The following HSDL1 variants were observed in gnomAD, a reference collection of about 807,000 sequenced individuals.
The protein encoded by HSDL1 is inactive hydroxysteroid dehydrogenase-like protein 1.
Under a neutral mutation model 31.5 loss-of-function variants are expected in HSDL1, and 29 were observed. The observed-to-expected ratio is 0.92, with a 90% CI of 0.69 to 1.26. The LOEUF is 1.26. Ranked by LOEUF, HSDL1 falls within the 50% of genes most tolerant of loss-of-function variation. The probability of loss-of-function intolerance (pLI) is 0.00; values close to 1 mark genes in which losing one functional copy is unlikely to be tolerated. For missense variants in HSDL1, 503 were observed against 416.6 expected, an observed-to-expected ratio of 1.21 and a Z score of -1.81; for synonymous variants, 222 against 155.2, an observed-to-expected ratio of 1.43 and a Z score of -3.20.
intron 5 of HSDL1, among the ~76,000 whole-genome samples, 161 bp downstream of exon 5, chr16:84,129,387 A>AG (rs1198956874): frequency 6.6e-6 from 1 of 152,184 alleles, no homozygotes. Context: ...CTCAAAAAAA[A>AG]AAAGAAAGAA....
chr16:84,126,863 T>G (rs967775589), intron 5 of HSDL1, among the ~76,000 whole-genome samples: 1 of 152,122 alleles, frequency 6.6e-6, no homozygotes. Context: ...AAATAAAAAA[T>G]GATAGTGTTG....
intron 5 of HSDL1, 102 bp from the exon 6 acceptor site, chr16:84,124,830 T>C (rs1409254503): frequency 1.2e-5 from 8 of 691,906 alleles, no homozygotes; most frequent in African/African-American, 1.1e-4. Context: ...TCACAACAAA[T>C]ACCCACCAAT....
chr16:84,129,745 G>T lies in HSDL1; in HGVS notation c.697C>A (p.Gln233Lys). The change falls in exon 5 of 6, where the codon CAA becomes AAA. Residue 233 changes from glutamine to lysine, a missense_variant. Physicochemically the swap from Gln to Lys is moderately conservative, Grantham distance 53 (BLOSUM62 1). Coordinates refer to ENST00000219439, the MANE Select transcript of HSDL1 (RefSeq NM_031463.5). ...ATTCCTTTAGAGGCATATTCATATT[G>T]CAAGGCTCTGCTGAAGTGGTCTAAA... ...AYLDHFSRAL[Q>K]YEYASKGIFV... 2 of 1,614,096 alleles carry T rather than the reference G, an allele frequency of 1.2e-6. No homozygotes were observed. Among genetic ancestry groups the T allele is most frequent in the Non-Finnish European group, 1.7e-6 (2 of 1,179,910 alleles).
intron 2 of HSDL1, among the ~76,000 whole-genome samples, chr16:84,134,956 AG>A (rs1700408656): frequency 6.6e-6 from 1 of 152,200 alleles, no homozygotes; most frequent in African/African-American, 2.4e-5. Context: ...ACTACAGGCC[AG>A]CCACGGTGGC....
intron 1 of HSDL1, among the ~76,000 whole-genome samples, chr16:84,140,889 G>A (rs1337343932): frequency 1.3e-5 from 2 of 152,032 alleles, no homozygotes; most frequent in African/African-American, 4.8e-5. Flanking sequence ...GGATCACGAG[G>A]TCAGGAGATC....
intron 5 of HSDL1, among the ~76,000 whole-genome samples, chr16:84,125,904 C>T (rs547440591): frequency 7.4e-4 from 113 of 152,096 alleles, no homozygotes; most frequent in Non-Finnish European, 1.3e-3. Context: ...GAGATCGAGA[C>T]CATCCTGGCT....
intron 1 of HSDL1, among the ~76,000 whole-genome samples, chr16:84,141,186 T>A (rs1178730104): frequency 6.6e-6 from 1 of 152,000 alleles, no homozygotes; most frequent in Non-Finnish European, 1.5e-5. Context: ...CTTGTTTCTT[T>A]CACTCAACAT....
Position 84,122,214 on chromosome 16 carries a change from T to TTGC in HSDL1, c.*2415_*2416insGCA, listed in dbSNP as rs2086561144. Reference sequence around the variant, plus strand: ...CATGTTAATTTCTTGCAATCACTCCTAAGAAAAAAAAATTCTCTCATTCCA... The same window carrying TTGC: ...CATGTTAATTTCTTGCAATCACTCCTTGCAAGAAAAAAAAATTCTCTCATTCCA... On this transcript the variant is annotated 3_prime_UTR_variant, in exon 6 of 6. Transcript: ENST00000219439. 6.6e-6 allele frequency: 1 copy of TTGC among 152,278 alleles called. No individual in the cohort carries two copies. Among genetic ancestry groups the TTGC allele is most frequent in the African/African-American group, 2.4e-5 (1 of 41,340 alleles). The allele number at this position is 152,278 out of a possible 1,614,324, so 9.4% of individuals were successfully genotyped here.
At chr16:84,137,789 G>C (rs2086725947) in intron 1 of HSDL1, among the ~76,000 whole-genome samples, 1 of 152,170 alleles carries the variant, frequency 6.6e-6, no homozygotes, top group Non-Finnish European at 1.5e-5. Flanking sequence ...AATTTCAAAA[G>C]CTCATAGCCT....
At chr16:84,138,433 G>C (rs903377354) in intron 1 of HSDL1, among the ~76,000 whole-genome samples, 3 of 152,112 alleles carry the variant, frequency 2.0e-5, no homozygotes, top group Non-Finnish European at 4.4e-5. Flanking sequence ...CAAATTGTAG[G>C]CTTAAAATCT....
chr16:84,144,182 CATTAATCTTATAA>C (rs2086809368), intron 1 of HSDL1: 1 of 151,964 alleles, frequency 6.6e-6, no homozygotes, highest in South Asian at 2.1e-4. Context: ...TTTATTCTCT[CATTAATCTTATAA>C]AGCGCAGTCA....
rs762115331 is a variant in HSDL1 at position 84,126,713 on chromosome 16, C to T, written c.895-1985G>A. Among the ~76,000 whole-genome samples the T allele has an allele frequency of 2.7e-5, 4 of 150,236 alleles. No homozygotes were observed. The South Asian group carries it at 8.5e-4, about 32-fold the overall frequency. On this transcript the variant is annotated intron_variant, in intron 5 of 5. Transcript: ENST00000219439. ...TGTCAATAAATGGACACAGGTTACT[C>T]TCCAGGGAGGACACACCCACACCCA...
intron 1 of HSDL1, among the ~76,000 whole-genome samples, chr16:84,141,802 A>C (rs2086771778): frequency 1.3e-5 from 2 of 152,066 alleles, no homozygotes; most frequent in South Asian, 4.2e-4. Flanking sequence ...TAATCTATGA[A>C]ATGCCCGTTC....
chr16:84,131,082 T>C lies in HSDL1; in HGVS notation c.220+20A>G, dbSNP rs1270263082. 6.4e-7 allele frequency: 1 copy of C among 1,569,808 alleles called. No homozygotes were observed. The highest frequency in any genetic ancestry group is 2.3e-5 in the East Asian group (1 of 44,280). ...ATCCGACTTCACAGAAAAGATTATT[T>C]TGATTATAAAGTAGGTTACCGCTGA... is the stretch of plus-strand genomic sequence containing the variant. On this transcript the variant is annotated intron_variant, in intron 3 of 5. Transcript: ENST00000219439.
intron 1 of HSDL1, among the ~76,000 whole-genome samples, chr16:84,143,110 G>C (rs2086783807): frequency 6.6e-6 from 1 of 152,188 alleles, no homozygotes; most frequent in Admixed American, 6.5e-5. Flanking sequence ...AGATACCCAA[G>C]ATAATTAGAA....
chr16:84,136,939 A>G (rs183244470), intron 1 of HSDL1, among the ~76,000 whole-genome samples: 181 of 152,328 alleles, frequency 1.2e-3, no homozygotes, highest in African/African-American at 4.0e-3. Flanking sequence ...AGACTGATAC[A>G]TTCAAATGCC....
At chr16:84,133,169 C>G (rs900899955) in intron 2 of HSDL1, among the ~76,000 whole-genome samples, 1 of 151,838 alleles carries the variant, frequency 6.6e-6, no homozygotes, top group Non-Finnish European at 1.5e-5. Flanking sequence ...GGAACACATA[C>G]AAGAATGGCA....
chr16:84,126,401 G>A (rs748870455), intron 5 of HSDL1, among the ~76,000 whole-genome samples: 3 of 152,092 alleles, frequency 2.0e-5, no homozygotes, highest in Admixed American at 1.3e-4. Flanking sequence ...AAATTTGGTC[G>A]TCACACTGGG....
At chr16:84,128,343 G>C (rs1042239144) in intron 5 of HSDL1, among the ~76,000 whole-genome samples, 2 of 151,660 alleles carry the variant, frequency 1.3e-5, no homozygotes, top group African/African-American at 4.8e-5. Flanking sequence ...CCAGATAAAG[G>C]AACTGAAATA....
Sources: gnomAD v4.1 joint callset for allele counts (sites outside exome capture counted in the v4.1 genomes callset) on GRCh38, gnomAD v4.1.1 for gene constraint, MANE v1.5 for transcripts, NCBI Gene and HGNC (gene_info 2026-07-23, HGNC 2026-07-21) for gene names.